Variants in ZNF229 observed in about 807,000 individuals in gnomAD.
ZNF229 encodes the protein zinc finger protein 229.
In ZNF229, 10 loss-of-function variants were observed where a neutral mutation model predicts 11.8. The ratio of observed to expected loss-of-function variants is 0.85; its 90% CI spans 0.52 to 1.44. The LOEUF is 1.44. Ranked by LOEUF, ZNF229 falls within the 40% of genes most tolerant of loss-of-function variation. The pLI is 0.00. For synonymous variants in ZNF229, 368 were observed against 374.8 expected (o/e 0.98, Z 0.21); for missense variants, 1,045 against 1,015.1 (o/e 1.03, Z -0.40).
rs755623351 is a variant in ZNF229 at position 44,428,410 on chromosome 19, TG to T, written c.2370del (p.His790GlnfsTer30). On this transcript the variant is annotated frameshift_variant, in exon 6 of 6. Transcript: ENST00000614049. LOFTEE classifies it low-confidence loss of function (END_TRUNC). Reference protein sequence around the residue: ...NSCLHVHQRVHTGEKPYTCGV... With the variant: ...NSCLHVHQRVXTGEKPYTCGV... ...CCACACGTATAGGGCTTCTCTCCAGTGTGGACTCTCTGATGAACATGAAGAC... is the reference window on the plus strand; with the variant it reads ...CCACACGTATAGGGCTTCTCTCCAGTTGGACTCTCTGATGAACATGAAGAC... 4 of 1,614,062 alleles carry T rather than the reference TG, an allele frequency of 2.5e-6. No individual in the cohort carries two copies. The South Asian group carries it at 4.4e-5, about 18-fold the overall frequency.
At position 44,427,520 on chromosome 19, in the gene ZNF229, A is replaced by T. The variant is rs2123326096; in HGVS notation, c.*783T>A. 1 of 152,016 alleles carries T rather than the reference A, an allele frequency of 6.6e-6. No homozygotes were observed. Among genetic ancestry groups the T allele is most frequent in the South Asian group, 2.1e-4 (1 of 4,822 alleles). The allele number at this position is 152,016 out of a possible 1,614,324, so 9.4% of individuals were successfully genotyped here. ...TGGTAAAAAAAAAGTCATTTTTTTAAAGTGAAAAAAAATCAGCATTTCAAA... is the reference window on the plus strand; with the variant it reads ...TGGTAAAAAAAAAGTCATTTTTTTATAGTGAAAAAAAATCAGCATTTCAAA... On this transcript the variant is annotated 3_prime_UTR_variant, in exon 6 of 6. Coordinates refer to ENST00000614049, the MANE Select transcript of ZNF229 (RefSeq NM_014518.4).
In ZNF229 at chr19:44,429,233, C is replaced by G. The variant is rs1169742866; in HGVS notation, c.1548G>C (p.Leu516=). ...TCTTACCACACACGTTACATTTGTACAGATGCTGCCCCATGTGAACTCTCT... is the reference window on the plus strand; with the variant it reads ...TCTTACCACACACGTTACATTTGTAGAGATGCTGCCCCATGTGAACTCTCT... ...AHQRVHMGQH[L]YKCNVCGKSF... Residue 516 remains leucine (L), a synonymous_variant, in exon 6 of 6, where the codon CTG becomes CTC. Transcript: ENST00000614049. 6.2e-7 allele frequency: 1 copy of G among 1,613,888 alleles called. No homozygotes were observed. Among genetic ancestry groups the G allele is most frequent in the Non-Finnish European group, 8.5e-7 (1 of 1,179,988 alleles).
chr19:44,438,943 T>C (rs1971860675), intron 4 of ZNF229, among the ~76,000 whole-genome samples: 1 of 152,162 alleles, frequency 6.6e-6, no homozygotes. Flanking sequence ...TCTAGCAAAT[T>C]AATCAAACCC....
At chr19:44,431,674 G>C (rs1203918778) in intron 5 of ZNF229, 1 of 762,402 alleles carries the variant, frequency 1.3e-6, no homozygotes, top group African/African-American at 1.9e-5. Context: ...GGCAAGACAA[G>C]GGGTGAGGAA....
Position 44,427,604 on chromosome 19 carries a change from T to C in ZNF229, c.*699A>G, listed in dbSNP as rs1971601415. On this transcript the variant is annotated 3_prime_UTR_variant, in exon 6 of 6. Coordinates refer to ENST00000614049, the MANE Select transcript of ZNF229 (RefSeq NM_014518.4). ...TCAATGCAATGCCAATTAATAAATT[T>C]ATTTAATTAATAATTCAATGCAATG... 2 of 152,272 alleles carry C rather than the reference T, an allele frequency of 1.3e-5. No homozygotes were observed. The highest frequency in any genetic ancestry group is 4.1e-4 in the South Asian group (2 of 4,826). 9.4% of individuals were successfully genotyped at this position (152,272 alleles called of 1,614,324 possible).
Position 44,429,618 on chromosome 19 carries a change from C to T in ZNF229, c.1163G>A (p.Arg388Gln), listed in dbSNP as rs148444351. The T allele has an allele frequency of 2.8e-4, 458 of 1,613,972 alleles. 3 individuals carry two copies. In the African/African-American group the frequency reaches 4.8e-3, roughly 17 times the overall value. ...KCEECGKAFG[R>Q]SSNLLVHQRV... ...CTGATGGACAAGCAGGTTTGAACTT[C>T]GACCAAATGCCTTCCCACACTCCTC... Residue 388 changes from arginine to glutamine, a missense_variant, in exon 6 of 6, where the codon CGA (arginine) becomes CAA (glutamine). Physicochemically the swap from Arg to Gln is conservative, Grantham distance 43. Coordinates refer to ENST00000614049, the MANE Select transcript of ZNF229 (RefSeq NM_014518.4).
rs537558241 is a variant in ZNF229, at chr19:44,428,061, G to A, written c.*242C>T. ...GAGGATTATTACTGAAACCACTGCT[G>A]CACTGTTTCTTTAAAGCCTACTCCG... On this transcript the variant is annotated 3_prime_UTR_variant, in exon 6 of 6. Coordinates refer to ENST00000614049, the MANE Select transcript of ZNF229 (RefSeq NM_014518.4). 3 of 464,134 alleles carry A rather than the reference G, an allele frequency of 6.5e-6. No individual in the cohort carries two copies. In the East Asian group the frequency reaches 1.0e-4, roughly 16 times the overall value. The allele number at this position is 464,134 out of a possible 1,614,324, so 28.8% of individuals were successfully genotyped here.
At chr19:44,439,184 C>T (rs1353244603) in intron 4 of ZNF229, among the ~76,000 whole-genome samples, 1 of 152,170 alleles carries the variant, frequency 6.6e-6, no homozygotes, top group Non-Finnish European at 1.5e-5. Context: ...CACATTTGGT[C>T]ACAGAAGTCT....
intron 4 of ZNF229, among the ~76,000 whole-genome samples, chr19:44,434,411 T>C (rs1971776500): frequency 1.3e-5 from 2 of 152,098 alleles, no homozygotes; most frequent in Non-Finnish European, 2.9e-5. Flanking sequence ...CATGCAACCA[T>C]CTCCTCAACC....
At chr19:44,446,530 G>A (rs953015973) in intron 2 of ZNF229, among the ~76,000 whole-genome samples, 2 of 152,126 alleles carry the variant, frequency 1.3e-5, no homozygotes, top group African/African-American at 2.4e-5. Context: ...ACACACACAT[G>A]CCTATGTGAA....
In ZNF229 at chr19:44,430,168, T is replaced by C. The variant is rs762626373; in HGVS notation, c.613A>G (p.Asn205Asp). The part of the protein sequence containing the change: ...QLGDVQERCK[N>D]LDTEDTVYKC... ...TATACTGTGTCTTCTGTGTCGAGAT[T>C]TTTACATCTTTCTTGAACATCCCCT... is the stretch of plus-strand genomic sequence containing the variant. The change falls in exon 6 of 6, where the codon AAT becomes GAT. Residue 205 changes from asparagine to aspartate, a missense_variant. Transcript: ENST00000614049. 1 of 1,614,112 alleles carries C rather than the reference T, an allele frequency of 6.2e-7. No individual in the cohort carries two copies. The highest frequency in any genetic ancestry group is 8.5e-7 in the Non-Finnish European group (1 of 1,180,042).
At chr19:44,431,894 G>T in intron 5 of ZNF229, 1 of 791,580 alleles carries the variant, frequency 1.3e-6, no homozygotes, top group Non-Finnish European at 1.6e-6. Context: ...ATTAAGTCAT[G>T]GAGGTGGAAC....
chr19:44,431,900 G>A, intron 5 of ZNF229: 4 of 712,566 alleles, frequency 5.6e-6, no homozygotes, highest in Non-Finnish European at 7.0e-6. Context: ...TCATGGAGGT[G>A]GAACCCCCAG....
chr19:44,428,719 G>C lies in ZNF229; in HGVS notation c.2062C>G (p.Gln688Glu), dbSNP rs1281071214. ...CCATAACTGAATCCCTTGCCACACT[G>C]ATCACACGTATAGGGCTTTTTTCCC... ...HTGKKPYTCDQCGKGFSYGSN... is the reference protein window; with the variant it reads ...HTGKKPYTCDECGKGFSYGSN... Residue 688 changes from glutamine (Q) to glutamate (E), a missense_variant, in exon 6 of 6, where the codon CAG (glutamine) becomes GAG (glutamate). Coordinates refer to ENST00000614049, the MANE Select transcript of ZNF229 (RefSeq NM_014518.4). 2 of 1,612,658 alleles carry C rather than the reference G, an allele frequency of 1.2e-6. No individual in the cohort carries two copies. Among genetic ancestry groups the C allele is most frequent in the Non-Finnish European group, 1.7e-6 (2 of 1,179,632 alleles).
At chr19:44,448,477 C>G (rs79592024), upstream of ZNF229, 11 of 152,368 alleles carry the variant, frequency 7.2e-5, no homozygotes, top group East Asian at 2.1e-3. Context: ...CAAGGTGACG[C>G]GCCCACCGGA....
Position 44,427,994 on chromosome 19 carries a change from T to A in ZNF229, c.*309A>T, listed in dbSNP as rs1313094889. ...ACCTTGGAAACATTCTCACCACTTG[T>A]ACATTGTAAAAGCTCCCTCCCAGGC... On this transcript the variant is annotated 3_prime_UTR_variant, in exon 6 of 6. Transcript: ENST00000614049. The A allele has an allele frequency of 3.6e-6, 1 of 279,648 alleles. No homozygotes were observed. Among genetic ancestry groups the A allele is most frequent in the East Asian group, 6.6e-5 (1 of 15,218 alleles). The allele number at this position is 279,648 out of a possible 1,614,324, so 17.3% of individuals were successfully genotyped here.
At chr19:44,432,596 A>C (rs1411860806) in intron 4 of ZNF229, among the ~76,000 whole-genome samples, 1 of 152,022 alleles carries the variant, frequency 6.6e-6, no homozygotes, top group African/African-American at 2.4e-5. Context: ...AGGACAAAAA[A>C]ACCAAACTCC....
chr19:44,428,314 G>A lies in ZNF229; in HGVS notation c.2467C>T (p.Pro823Ser). 6.2e-7 allele frequency: 1 copy of A among 1,609,948 alleles called. No individual in the cohort carries two copies. The highest frequency in any genetic ancestry group is 8.5e-7 in the Non-Finnish European group (1 of 1,177,142). Residue 823 changes from proline to serine, a missense_variant, in exon 6 of 6, where the codon CCT becomes TCT. Transcript: ENST00000614049. ...NHQRVHLGENPYK is the reference protein window; with the variant it reads ...NHQRVHLGENSYK The stretch of plus-strand genomic sequence containing the variant: ...TCCTCTATGTACATCTACTTATAAG[G>A]GTTCTCGCCTAAATGCACTCTTTGG...
chr19:44,433,002 A>AC (rs1178442368), intron 4 of ZNF229, among the ~76,000 whole-genome samples: 2 of 152,000 alleles, frequency 1.3e-5, no homozygotes, highest in Non-Finnish European at 2.9e-5. Flanking sequence ...CAACTGAACT[A>AC]CCCCAGATAT....
Sources: allele counts gnomAD v4.1 joint callset (sites outside exome capture counted in the v4.1 genomes callset), GRCh38; gene constraint gnomAD v4.1.1; transcripts MANE v1.5; gene names NCBI Gene and HGNC (gene_info 2026-07-23, HGNC 2026-07-21).